SLC1A7: variants seen among roughly 807,000 people sequenced by gnomAD.
SLC1A7 encodes excitatory amino acid transporter 5.
Under a neutral mutation model 47.7 loss-of-function variants are expected in SLC1A7, and 40 were observed. The observed-to-expected ratio is 0.84, with a 90% CI of 0.65 to 1.09. The LOEUF (loss-of-function observed/expected upper bound fraction) is 1.09. Ranked by LOEUF, SLC1A7 falls within the 50% of genes least tolerant of loss-of-function variation. SLC1A7 has a pLI of 0.00. For synonymous variants in SLC1A7, 323 were observed against 325.6 expected (o/e 0.99, Z 0.09); for missense variants, 746 against 769.5 (o/e 0.97, Z 0.36).
chr1:53,099,344 C>T lies in SLC1A7; in HGVS notation c.697+4002G>A, dbSNP rs932587422. ...CCACCTCGGTACGCTCACACTGCCT[C>T]AGTACCTCACATACCGCCTCGGTAC... On this transcript the variant is annotated intron_variant, in intron 5 of 10. Transcript: ENST00000371494. Among the ~76,000 whole-genome samples the T allele has an allele frequency of 1.3e-4, 8 of 59,598 alleles. No individual in the cohort carries two copies. The Admixed American group carries it at 1.6e-3, about 12-fold the overall frequency. The allele number at this position is 59,598 out of a possible 152,430, so 39.1% of individuals were successfully genotyped here.
chr1:53,103,392 G>T lies in SLC1A7; in HGVS notation c.651C>A (p.Ser217Arg). ...EVVYKSEPGT[S>R]DGMNVLGIVF... Reference sequence around the variant, plus strand: ...CGATGCCCAGCACATTCATGCCATCGCTGGTGCCCGGCTCTGACTTGTAAA... The same window carrying T: ...CGATGCCCAGCACATTCATGCCATCTCTGGTGCCCGGCTCTGACTTGTAAA... The change falls in exon 5 of 11, where the codon AGC becomes AGA. Residue 217 changes from serine to arginine, a missense_variant. Coordinates refer to ENST00000371494, the MANE Select transcript of SLC1A7 (RefSeq NM_006671.6). 2.5e-6 allele frequency: 4 copies of T among 1,610,496 alleles called. No individual in the cohort carries two copies. The highest frequency in any genetic ancestry group is 3.4e-6 in the Non-Finnish European group (4 of 1,178,934).
chr1:53,137,286 C>CAAAAAAAAAAAAAAAAAAAAAAAAAA, intron 1 of SLC1A7, among the ~76,000 whole-genome samples: 2 of 15,224 alleles, frequency 1.3e-4, no homozygotes, highest in African/African-American at 4.7e-4. Flanking sequence ...GACGCTATCT[C>CAAAAAAAAAAAAAAAAAAAAAAAAAA]CAAAAAAAAA....
chr1:53,095,313 T>TGCAGGGACACAGAGATGC (rs1165728535), intron 5 of SLC1A7, among the ~76,000 whole-genome samples: 1 of 151,602 alleles, frequency 6.6e-6, no homozygotes, highest in Admixed American at 6.6e-5. Context: ...CACACACTGA[T>TGCAGGGACACAGAGATGC]GCAGGGACAC....
In SLC1A7 at chr1:53,137,569, C is replaced by T. The variant is rs150105816; in HGVS notation, c.136-3140G>A. On this transcript the variant is annotated intron_variant, in intron 1 of 10. Coordinates refer to ENST00000371494, the MANE Select transcript of SLC1A7 (RefSeq NM_006671.6). ...CAATTTTTTAGTAAATCAAGATTTA[C>T]AATGTTTTGATCGCCAAACAGTGTT... is the stretch of plus-strand genomic sequence containing the variant. Among the ~76,000 whole-genome samples the T allele has an allele frequency of 2.4e-3, 371 of 152,250 alleles. 1 individual carries two copies. The highest frequency in any genetic ancestry group is 4.1e-3 in the Non-Finnish European group (279 of 68,022).
intron 2 of SLC1A7, among the ~76,000 whole-genome samples, chr1:53,125,621 C>G (rs1055078820): frequency 6.6e-6 from 1 of 152,200 alleles, no homozygotes; most frequent in Admixed American, 6.5e-5. Context: ...TCCCGGGGAG[C>G]TGATCTCAGG....
chr1:53,112,947 C>T (rs76410511), intron 3 of SLC1A7, among the ~76,000 whole-genome samples: 181 of 151,948 alleles, frequency 1.2e-3, no homozygotes, highest in African/African-American at 4.2e-3. Flanking sequence ...CAGCTCACCC[C>T]TCTCCCAGTC....
intron 2 of SLC1A7, among the ~76,000 whole-genome samples, chr1:53,117,742 G>GC (rs758089494): frequency 8.5e-5 from 13 of 152,156 alleles, no homozygotes; most frequent in Non-Finnish European, 5.9e-5. Flanking sequence ...CCCTCAGAAG[G>GC]CCCCCCACCG....
chr1:53,088,624 G>A (rs976957957), intron 10 of SLC1A7, among the ~76,000 whole-genome samples: 2 of 152,206 alleles, frequency 1.3e-5, no homozygotes, highest in African/African-American at 4.8e-5. Context: ...ATCCCGACAC[G>A]AGGGCGGGGA....
intron 2 of SLC1A7, among the ~76,000 whole-genome samples, chr1:53,131,415 T>C (rs1222185477): frequency 6.6e-6 from 1 of 152,246 alleles, no homozygotes; most frequent in Non-Finnish European, 1.5e-5. Flanking sequence ...CAATGGCCTC[T>C]AAGGTGCCTC....
intron 9 of SLC1A7, 149 bp downstream of exon 9, chr1:53,089,651 G>T: frequency 1.3e-6 from 1 of 774,968 alleles, no homozygotes; most frequent in Non-Finnish European, 2.1e-6. Context: ...CCAGGCCTGT[G>T]CTAATGAGTA....
chr1:53,109,423 C>T (rs535202675), intron 3 of SLC1A7, among the ~76,000 whole-genome samples: 1 of 152,316 alleles, frequency 6.6e-6, no homozygotes, highest in South Asian at 2.1e-4. Context: ...GCACTGTGAG[C>T]AGGCGCCAGC....
At chr1:53,140,381 T>A (rs892142559) in intron 1 of SLC1A7, among the ~76,000 whole-genome samples, 1 of 152,192 alleles carries the variant, frequency 6.6e-6, no homozygotes, top group Non-Finnish European at 1.5e-5. Context: ...AGATTGCAGA[T>A]TTTTTTGTTC....
rs749261435 is a variant in SLC1A7 at position 53,092,635 on chromosome 1, A to C, written c.950T>G (p.Phe317Cys). The change falls in exon 7 of 11, where the codon TTC (phenylalanine) becomes TGC (cysteine). Residue 317 changes from phenylalanine (F) to cysteine (C), a missense_variant. Physicochemically the swap from Phe to Cys is radical, Grantham distance 205. Coordinates refer to ENST00000371494, the MANE Select transcript of SLC1A7 (RefSeq NM_006671.6). ...HGLFILPLLY[F>C]FITKKNPIVF... ...GATGGGATTCTTCTTGGTGATGAAG[A>C]AGTAGAGCAGGGGCAGGATAAAGAG... 36 of 1,614,066 alleles carry C rather than the reference A, an allele frequency of 2.2e-5. No individual in the cohort carries two copies. Among genetic ancestry groups the C allele is most frequent in the Admixed American group, 8.3e-5 (5 of 60,008 alleles).
intron 3 of SLC1A7, 110 bp downstream of exon 3, chr1:53,114,648 T>C (rs972778774): frequency 1.1e-6 from 1 of 885,570 alleles, no homozygotes; most frequent in Non-Finnish European, 1.8e-6. Flanking sequence ...AGGGTGATCA[T>C]GGACTCCGTG....
intron 2 of SLC1A7, 141 bp downstream of exon 2, chr1:53,134,209 C>G (rs2150345478): frequency 1.7e-6 from 1 of 583,552 alleles, no homozygotes; most frequent in Admixed American, 2.9e-5. Context: ...GCCCACGGCA[C>G]TGCCCATAAA....
Position 53,111,403 on chromosome 1 carries a change from A to G in SLC1A7, c.431+3355T>C, listed in dbSNP as rs140905772. On this transcript the variant is annotated intron_variant, in intron 3 of 10. Coordinates refer to ENST00000371494, the MANE Select transcript of SLC1A7 (RefSeq NM_006671.6). ...CGGTGCAGGCTACGACTTTGTTGCC[A>G]TGTGCTGGGTTGAGAGCAGGTTTTG... Among the ~76,000 whole-genome samples the G allele has an allele frequency of 6.9e-3, 1,050 of 152,248 alleles. 5 individuals are homozygous for G. Among genetic ancestry groups the G allele is most frequent in the Non-Finnish European group, 0.011 (714 of 67,998 alleles).
intron 5 of SLC1A7, among the ~76,000 whole-genome samples, chr1:53,100,582 C>A (rs61768111): frequency 0.21 from 30,963 of 148,420 alleles, 3,292 homozygotes; most frequent in Middle Eastern, 0.29. Context: ...ATACACATAC[C>A]ACCTCAGTAC....
intron 5 of SLC1A7, among the ~76,000 whole-genome samples, chr1:53,100,401 CTCAGTACACTCACACGTCTTGTT>C (rs1309779759): frequency 6.6e-6 from 1 of 151,732 alleles, no homozygotes; most frequent in Admixed American, 6.6e-5. Flanking sequence ...CACACCCCGC[CTCAGTACACTCACACGTCTTGTT>C]TCAGTACACT....
chr1:53,116,083 T>A (rs1277633999), intron 2 of SLC1A7: 1 of 152,200 alleles, frequency 6.6e-6, no homozygotes, highest in Non-Finnish European at 1.5e-5. Flanking sequence ...GAGCAGATAA[T>A]CCCCAGCCAC....
Sources: allele counts gnomAD v4.1 joint callset (sites outside exome capture counted in the v4.1 genomes callset), GRCh38; gene constraint gnomAD v4.1.1; transcripts MANE v1.5; gene names NCBI Gene and HGNC (gene_info 2026-07-23, HGNC 2026-07-21).